Variants in RAB3IL1 observed in about 807,000 individuals in gnomAD.
RAB3IL1 encodes the protein guanine nucleotide exchange factor for Rab-3A.
A neutral mutation model predicts 49.2 loss-of-function variants in RAB3IL1; 37 were observed. That is an observed-to-expected ratio of 0.75 (90% CI 0.58 to 0.99). RAB3IL1 has a LOEUF of 0.99. RAB3IL1 is among the 50% of genes least tolerant of loss of function. The pLI, the probability that RAB3IL1 is intolerant of heterozygous loss-of-function variation, is 0.00. For synonymous variants in RAB3IL1, 193 were observed against 213.9 expected, an observed-to-expected ratio of 0.90 and a Z score of 0.85; for missense variants, 484 against 513.0, an observed-to-expected ratio of 0.94 and a Z score of 0.55.
At chr11:61,929,884 C>CT in the RAB3IL1 span, among the ~76,000 whole-genome samples, 25,652 of 66,474 alleles carry the variant, frequency 0.39, 8,064 homozygotes, top group East Asian at 0.58. Context: ...CCGCGCCCGG[C>CT]TTTTTTTTTT....
At chr11:61,905,896 A>G (rs2136036209) in intron 5 of RAB3IL1, among the ~76,000 whole-genome samples, 1 of 152,292 alleles carries the variant, frequency 6.6e-6, no homozygotes. Flanking sequence ...ATTTGCCTAC[A>G]GACCCATGAC....
chr11:61,939,002 A>G, the RAB3IL1 span, among the ~76,000 whole-genome samples: 1 of 151,988 alleles, frequency 6.6e-6, no homozygotes, highest in Admixed American at 6.6e-5. Flanking sequence ...TTCACTTTCA[A>G]TAATGGCTAG....
At chr11:61,918,541 G>T (rs1379682156), upstream of RAB3IL1, among the ~76,000 whole-genome samples, 1 of 152,238 alleles carries the variant, frequency 6.6e-6, no homozygotes, top group Non-Finnish European at 1.5e-5. Context: ...CACTCCATCT[G>T]AGCATAGACT....
chr11:61,936,275 A>G, the RAB3IL1 span, among the ~76,000 whole-genome samples: 2 of 152,368 alleles, frequency 1.3e-5, no homozygotes, highest in South Asian at 4.1e-4. Flanking sequence ...CCAATATGTA[A>G]TGGAAGATTC....
At chr11:61,934,331 C>CACAT in the RAB3IL1 span, among the ~76,000 whole-genome samples, 1 of 129,488 alleles carries the variant, frequency 7.7e-6, no homozygotes, top group African/African-American at 2.6e-5. Context: ...CACACACACA[C>CACAT]ACACACACAC....
intron 1 of RAB3IL1, among the ~76,000 whole-genome samples, chr11:61,910,129 G>A (rs973477529): frequency 1.3e-4 from 20 of 152,330 alleles, no homozygotes; most frequent in African/African-American, 4.1e-4. Context: ...CAGGGGTCAC[G>A]CAGCTGGTCA....
the RAB3IL1 span, among the ~76,000 whole-genome samples, chr11:61,936,497 G>A: frequency 1.3e-3 from 192 of 152,220 alleles, 1 homozygote; most frequent in Non-Finnish European, 2.0e-3. Flanking sequence ...TGCCTCCTCC[G>A]TGCCTGGCTA....
Position 61,906,746 on chromosome 11 carries a change from G to T in RAB3IL1, c.439-62C>A. 6.9e-7 allele frequency: 1 copy of T among 1,446,666 alleles called. No individual in the cohort carries two copies. Among genetic ancestry groups the T allele is most frequent in the Non-Finnish European group, 9.5e-7 (1 of 1,056,404 alleles). 89.6% of individuals were successfully genotyped at this position (1,446,666 alleles called of 1,614,324 possible). A position where few individuals can be genotyped will look rare whatever the true frequency, so the allele number is the denominator to read the frequency against. ...ACTGGATGCCATCCTGGCTGCCACC[G>T]CCTATCAGCCTAACTCAGGACAATG... is the stretch of plus-strand genomic sequence containing the variant. On this transcript the variant is annotated intron_variant, in intron 4 of 9. Transcript: ENST00000394836. This position sits in a 1 kb window ranked among gnomAD's most constrained non-coding sequence, Gnocchi z 4.6.
chr11:61,932,024 G>C, the RAB3IL1 span, among the ~76,000 whole-genome samples: 1 of 151,940 alleles, frequency 6.6e-6, no homozygotes, highest in African/African-American at 2.4e-5. Context: ...GGCTGAGGCA[G>C]GCAGATCACA....
chr11:61,905,778 G>A (rs1428140007), intron 5 of RAB3IL1, among the ~76,000 whole-genome samples: 1 of 152,124 alleles, frequency 6.6e-6, no homozygotes, highest in African/African-American at 2.4e-5. Context: ...GCACTACCTG[G>A]GTGCAGCCTT....
upstream of RAB3IL1, among the ~76,000 whole-genome samples, chr11:61,924,442 C>T (rs143766632): frequency 1.3e-3 from 192 of 152,254 alleles, no homozygotes; most frequent in African/African-American, 4.6e-3. Flanking sequence ...TACTCGAGGA[C>T]AAGGCAGAGG....
chr11:61,899,726 G>T, intron 8 of RAB3IL1: 1 of 284,766 alleles, frequency 3.5e-6, no homozygotes, highest in South Asian at 4.1e-5. Context: ...CAGCAGAGCT[G>T]TGAGATGAAC....
intron 1 of RAB3IL1, among the ~76,000 whole-genome samples, chr11:61,913,103 A>G (rs990177676): frequency 1.3e-5 from 2 of 151,974 alleles, no homozygotes; most frequent in African/African-American, 4.8e-5. Context: ...AATAGGCAGG[A>G]TGGGGTGACG....
upstream of RAB3IL1, chr11:61,917,574 A>AG (rs977901926): frequency 2.8e-6 from 3 of 1,081,356 alleles, no homozygotes; most frequent in Non-Finnish European, 3.4e-6. Flanking sequence ...CACGTGGCGG[A>AG]GGGGGGAGCG....
chr11:61,901,308 T>C (rs576416148), intron 8 of RAB3IL1, among the ~76,000 whole-genome samples: 2 of 152,166 alleles, frequency 1.3e-5, no homozygotes, highest in Non-Finnish European at 2.9e-5. Context: ...CTGTCCTCAA[T>C]CCCCAGCTTG....
chr11:61,935,568 G>T, the RAB3IL1 span, among the ~76,000 whole-genome samples: 2 of 152,052 alleles, frequency 1.3e-5, no homozygotes, highest in South Asian at 4.2e-4. Flanking sequence ...AGGCTGGAGT[G>T]CAGGGGCACT....
At chr11:61,933,223 A>G in the RAB3IL1 span, among the ~76,000 whole-genome samples, 4 of 152,246 alleles carry the variant, frequency 2.6e-5, no homozygotes, top group African/African-American at 9.6e-5. Context: ...TAATTAAGTT[A>G]AGGACCGTGA....
chr11:61,943,198 C>G, the RAB3IL1 span, among the ~76,000 whole-genome samples: 2 of 152,114 alleles, frequency 1.3e-5, no homozygotes, highest in Non-Finnish European at 1.5e-5. Context: ...TATGTATTAT[C>G]AATTGATTTT....
Position 61,906,955 on chromosome 11 carries a change from C to T in RAB3IL1, c.439-271G>A, listed in dbSNP as rs980650312. 2.6e-5 allele frequency among the ~76,000 whole-genome samples: 4 copies of T among 152,220 alleles called. No individual in the cohort carries two copies. On this transcript the variant is annotated intron_variant, in intron 4 of 9. Coordinates refer to ENST00000394836, the MANE Select transcript of RAB3IL1 (RefSeq NM_013401.4). This position sits in a 1 kb window ranked among gnomAD's most constrained non-coding sequence, Gnocchi z 4.6. ...AAGTGTCTGGGAGCTGGCTGGGCCT[C>T]CCATGAGAGTTCTGGGACCGCCCCC...
Sources: allele counts gnomAD v4.1 joint callset (sites outside exome capture counted in the v4.1 genomes callset), GRCh38; gene constraint gnomAD v4.1.1; non-coding constraint Gnocchi (gnomAD v3.1); transcripts MANE v1.5; gene names NCBI Gene and HGNC (gene_info 2026-07-23, HGNC 2026-07-21).